Variants in CLK3 observed in about 807,000 individuals in gnomAD.
CLK3 encodes CDC like kinase 3.
In CLK3, 24 loss-of-function variants were observed where a neutral mutation model predicts 65.2. The observed-to-expected ratio is 0.37, with a 90% CI of 0.27 to 0.52. The LOEUF is 0.52. CLK3 is among the 20% of genes least tolerant of loss of function. The pLI, the probability that CLK3 is intolerant of heterozygous loss-of-function variation, is 0.92. For synonymous variants in CLK3, 252 were observed against 240.8 expected (o/e 1.05, Z -0.43); for missense variants, 506 against 660.0 (o/e 0.77, Z 2.56).
rs2062155836 is a variant in CLK3 at position 74,627,753 on chromosome 15, C to T, written c.1042+85C>T. ...CAGAGGCAGTGGCATGCCTGTCATTCTCTGCCACCCAGGGCAGGCAGAGTT... is the reference window on the plus strand; with the variant it reads ...CAGAGGCAGTGGCATGCCTGTCATTTTCTGCCACCCAGGGCAGGCAGAGTT... On this transcript the variant is annotated intron_variant, in intron 9 of 12. Transcript: ENST00000395066. This position sits in a 1 kb window ranked among gnomAD's most constrained non-coding sequence, Gnocchi z 4.3. The T allele has an allele frequency of 1.3e-6, 2 of 1,573,590 alleles. No individual in the cohort carries two copies. Among genetic ancestry groups the T allele is most frequent in the Non-Finnish European group, 1.7e-6 (2 of 1,148,814 alleles).
At chr15:74,608,701 C>T (rs1480444111) in intron 1 of CLK3, 2 of 152,260 alleles carry the variant, frequency 1.3e-5, no homozygotes, top group Non-Finnish European at 2.9e-5. Context: ...AGATTTCCCA[C>T]CCCATAAAAG....
chr15:74,623,133 C>T (rs1366470697), intron 5 of CLK3, among the ~76,000 whole-genome samples: 2 of 152,174 alleles, frequency 1.3e-5, no homozygotes, highest in African/African-American at 4.8e-5. Flanking sequence ...GTGTGTCATG[C>T]TGCACCTCAC....
intron 1 of CLK3, among the ~76,000 whole-genome samples, chr15:74,609,968 G>C (rs1203220852): frequency 1.3e-5 from 2 of 152,228 alleles, no homozygotes; most frequent in Non-Finnish European, 2.9e-5. Context: ...ATGATCCCAG[G>C]GTATTCCCAA....
chr15:74,615,835 C>G (rs1029266656), upstream of CLK3: 8 of 1,248,846 alleles, frequency 6.4e-6, no homozygotes, highest in Non-Finnish European at 8.0e-6. Context: ...AGGTCGCAGC[C>G]GGAAGCGGAA....
intron 1 of CLK3, among the ~76,000 whole-genome samples, chr15:74,617,841 C>T (rs912946422): frequency 2.6e-5 from 4 of 152,348 alleles, no homozygotes; most frequent in Middle Eastern, 3.4e-3. Context: ...AGAGTAATTG[C>T]AGGAAAACAG....
intron 12 of CLK3, 174 bp downstream of exon 12, chr15:74,629,206 C>G (rs1437225237): frequency 1.4e-6 from 1 of 706,520 alleles, no homozygotes; most frequent in Non-Finnish European, 2.6e-6. Flanking sequence ...GCAAACTGCC[C>G]CAGAGGGGCC....
chr15:74,615,694 C>CCGCCGGAGCGGAGAGGGCTGGTG, upstream of CLK3: 31 of 1,238,922 alleles, frequency 2.5e-5, no homozygotes, highest in Non-Finnish European at 3.1e-5. Context: ...GCCGCGGCGC[C>CCGCCGGAGCGGAGAGGGCTGGTG]CGCCGGAGCG....
At chr15:74,615,928 ACAG>A (rs2062054391) in intron 1 of CLK3, 30 bp downstream of exon 1, 8 of 1,237,562 alleles carry the variant, frequency 6.5e-6, no homozygotes, top group Admixed American at 8.4e-5. Context: ...CGCGGCGGCG[ACAG>A]CGGCGGCGGC....
At chr15:74,620,264 G>A in intron 3 of CLK3, 39 bp downstream of exon 3, 1 of 1,610,538 alleles carries the variant, frequency 6.2e-7, no homozygotes, top group Non-Finnish European at 8.5e-7. Flanking sequence ...GGGCTTAAAG[G>A]CCTCATCTCT....
chr15:74,625,138 A>T, intron 6 of CLK3, 120 bp downstream of exon 6: 1 of 718,742 alleles, frequency 1.4e-6, no homozygotes, highest in South Asian at 1.7e-5. Context: ...GAACCAGGGG[A>T]GTGTGGCAAA....
Position 74,615,881 on chromosome 15 carries a change from G to A in CLK3, c.-18G>A, listed in dbSNP as rs754141103. The A allele has an allele frequency of 2.4e-6, 3 of 1,254,552 alleles. No homozygotes were observed. The highest frequency in any genetic ancestry group is 4.0e-5 in the Admixed American group (1 of 24,710). 77.7% of individuals were successfully genotyped at this position (1,254,552 alleles called of 1,614,324 possible). ...GAGCGGGGAGTGGGGCCTAGCTGCA[G>A]CCGGAGCCTGGGAGACGGTAAGTGT... is the stretch of plus-strand genomic sequence containing the variant. On this transcript the variant is annotated 5_prime_UTR_variant, in exon 1 of 13. Coordinates refer to ENST00000395066, the MANE Select transcript of CLK3 (RefSeq NM_001130028.2).
intron 10 of CLK3, 30 bp from the exon 11 acceptor site, chr15:74,628,573 AC>A (rs1192668139): frequency 6.6e-7 from 1 of 1,524,686 alleles, no homozygotes; most frequent in South Asian, 1.1e-5. Flanking sequence ...GCTAGTACTG[AC>A]CCCCTTGCAC....
chr15:74,620,173 A>T lies in CLK3; in HGVS notation c.317A>T (p.His106Leu). ...AGGGGGCCATACCGGACCCGCAAGC[A>T]TGCCCACCACTGCCACAAACGCCGC... ...RERGPYRTRKHAHHCHKRRTR... is the reference protein window; with the variant it reads ...RERGPYRTRKLAHHCHKRRTR... Residue 106 changes from histidine to leucine, a missense_variant, in exon 3 of 13, where the codon CAT (histidine) becomes CTT (leucine). His to Leu is a moderately conservative substitution (Grantham distance 99, BLOSUM62 -3). Coordinates refer to ENST00000395066, the MANE Select transcript of CLK3 (RefSeq NM_001130028.2). 6.2e-7 allele frequency: 1 copy of T among 1,614,026 alleles called. No individual in the cohort carries two copies. The highest frequency in any genetic ancestry group is 1.1e-5 in the South Asian group (1 of 91,082).
upstream of CLK3, chr15:74,615,541 G>A: frequency 7.8e-7 from 1 of 1,284,722 alleles, no homozygotes; most frequent in Non-Finnish European, 9.9e-7. Flanking sequence ...CGGCCAGGTC[G>A]GGGCCCCACC....
chr15:74,616,084 G>C lies in CLK3; in HGVS notation c.-1+186G>C, dbSNP rs1431303205. On this transcript the variant is annotated intron_variant, in intron 1 of 12. Transcript: ENST00000395066. The stretch of plus-strand genomic sequence containing the variant: ...TCTGCCCCGGAGGGCGGTCACTGCA[G>C]ACCCTGACCTCGACCCCACGGTGTT... 6 of 452,840 alleles carry C rather than the reference G, an allele frequency of 1.3e-5. No homozygotes were observed. In the Admixed American group the frequency reaches 2.7e-4, roughly 20 times the overall value. 28.1% of individuals were successfully genotyped at this position (452,840 alleles called of 1,614,324 possible).
At chr15:74,620,353 T>A in intron 3 of CLK3, 128 bp downstream of exon 3, 1 of 1,258,852 alleles carries the variant, frequency 7.9e-7, no homozygotes, top group Non-Finnish European at 1.1e-6. Context: ...CGTGCATGTG[T>A]GTGTGTATGT....
chr15:74,615,248 C>T (rs2062042516), upstream of CLK3: 1 of 429,234 alleles, frequency 2.3e-6, no homozygotes, highest in Non-Finnish European at 3.9e-6. Flanking sequence ...TCCGGCCCCG[C>T]CAGAGTAGCT....
At position 74,624,756 on chromosome 15, in the gene CLK3, G is replaced by C; in HGVS notation, c.534-146G>C. On this transcript the variant is annotated intron_variant, in intron 5 of 12. Coordinates refer to ENST00000395066, the MANE Select transcript of CLK3 (RefSeq NM_001130028.2). This position sits in a 1 kb window ranked among gnomAD's most constrained non-coding sequence, Gnocchi z 4.2. ...TGGGCAAAGGTCTGGTGTTGCATGG[G>C]GCAGGCTGGGCATCCAGTATCTGCT... is the stretch of plus-strand genomic sequence containing the variant. 1.5e-6 allele frequency: 1 copy of C among 648,920 alleles called. No homozygotes were observed. Among genetic ancestry groups the C allele is most frequent in the Non-Finnish European group, 2.8e-6 (1 of 350,922 alleles). The allele number at this position is 648,920 out of a possible 1,614,324, so 40.2% of individuals were successfully genotyped here. A position where few individuals can be genotyped will look rare whatever the true frequency, so the allele number is the denominator to read the frequency against.
At chr15:74,623,348 G>C (rs140899452) in intron 5 of CLK3, among the ~76,000 whole-genome samples, 1 of 152,294 alleles carries the variant, frequency 6.6e-6, no homozygotes, top group African/African-American at 2.4e-5. Flanking sequence ...ACCCATATGT[G>C]GCCCTCTCGC....
Sources: allele counts gnomAD v4.1 joint callset (sites outside exome capture counted in the v4.1 genomes callset), GRCh38; gene constraint gnomAD v4.1.1; non-coding constraint Gnocchi (gnomAD v3.1); transcripts MANE v1.5; gene names NCBI Gene and HGNC (gene_info 2026-07-23, HGNC 2026-07-21).